The following SASH1 variants were observed in gnomAD, a reference collection of about 807,000 sequenced individuals.
SASH1 encodes the protein SAM and SH3 domain-containing protein 1.
SASH1 carries 44 observed loss-of-function variants against 125.2 expected under a neutral mutation model. The observed-to-expected ratio is 0.35, with a 90% confidence interval of 0.28 to 0.45. The LOEUF is 0.45. Ranked by LOEUF, SASH1 falls within the 20% of genes least tolerant of loss-of-function variation. SASH1 has a pLI of 1.00. For missense variants in SASH1, 1,426 were observed against 1,614.5 expected (o/e 0.88, Z 2.00); for synonymous variants, 639 against 649.1 (o/e 0.98, Z 0.24).
At chr6:148,410,099 C>CTTTTTTT (rs869081496) in intron 2 of SASH1, among the ~76,000 whole-genome samples, 2 of 55,742 alleles carry the variant, frequency 3.6e-5, no homozygotes, top group African/African-American at 7.3e-5. Flanking sequence ...CAGAGCAGTC[C>CTTTTTTT]TTTTTTTTTT....
In SASH1 at chr6:148,549,259, G is replaced by A. The variant is rs1277750510; in HGVS notation, c.*701G>A. The stretch of plus-strand genomic sequence containing the variant: ...ATCGAACCTCTCTGGGATGTTTCCA[G>A]CAAAAGTGAGCTTTTCTAATCGTCT... On this transcript the variant is annotated 3_prime_UTR_variant, in exon 20 of 20. Transcript: ENST00000367467. The A allele has an allele frequency of 4.9e-6, 1 of 205,224 alleles. No homozygotes were observed. The highest frequency in any genetic ancestry group is 9.7e-6 in the Non-Finnish European group (1 of 103,596). 12.7% of individuals were successfully genotyped at this position (205,224 alleles called of 1,614,324 possible).
chr6:148,456,378 G>A (rs1035299578), intron 4 of SASH1, among the ~76,000 whole-genome samples: 1 of 152,156 alleles, frequency 6.6e-6, no homozygotes, highest in African/African-American at 2.4e-5. Flanking sequence ...TCTTAACCTG[G>A]GCCTGCCTCA....
chr6:148,340,486 G>A (rs1781288216), upstream of SASH1, among the ~76,000 whole-genome samples: 1 of 116,338 alleles, frequency 8.6e-6, no homozygotes, highest in South Asian at 2.6e-4. Context: ...GCAAGACTCT[G>A]TCTCAAAAAA....
rs1426741168 is a variant in SASH1 at position 148,550,539 on chromosome 6, T to C, written c.*1981T>C. On this transcript the variant is annotated 3_prime_UTR_variant, in exon 20 of 20. Coordinates refer to ENST00000367467, the MANE Select transcript of SASH1 (RefSeq NM_015278.5). ...GTTTCTTTAATAATTAATTTTCATC[T>C]TCTATAAGATGCCATGTGAAGAAGT... 6.6e-6 allele frequency: 1 copy of C among 152,228 alleles called. No individual in the cohort carries two copies. Among genetic ancestry groups the C allele is most frequent in the African/African-American group, 2.4e-5 (1 of 41,468 alleles). The allele number at this position is 152,228 out of a possible 1,614,324, so 9.4% of individuals were successfully genotyped here.
upstream of SASH1, among the ~76,000 whole-genome samples, chr6:148,271,533 T>C (rs1371153897): frequency 1.3e-5 from 2 of 152,076 alleles, no homozygotes; most frequent in East Asian, 1.9e-4. Context: ...ATAAAACTTT[T>C]GTTTTATTTT....
chr6:148,518,452 A>G (rs1383180263), intron 9 of SASH1, among the ~76,000 whole-genome samples: 1 of 152,186 alleles, frequency 6.6e-6, no homozygotes, highest in African/African-American at 2.4e-5. Context: ...TTAGAATTTT[A>G]AAGGATGGCT....
At chr6:148,348,618 T>C (rs1352867859) in intron 1 of SASH1, among the ~76,000 whole-genome samples, 4 of 152,172 alleles carry the variant, frequency 2.6e-5, no homozygotes, top group Non-Finnish European at 4.4e-5. Context: ...CTTGCCCTCA[T>C]TTTACAGTTC....
intron 1 of SASH1, among the ~76,000 whole-genome samples, chr6:148,288,679 A>G (rs1314076209): frequency 1.1e-5 from 1 of 92,576 alleles, no homozygotes; most frequent in East Asian, 3.5e-4. Context: ...CACGGAATAC[A>G]CACGTGTATG....
rs569069226 is a variant in SASH1 at position 148,306,236 on chromosome 6, C to A, written n.74+33859C>A. ...CTTTCTCTTTCCACTCGCTTGTTCT[C>A]TCTGCCATTGACCCAACCCAAAAGA... is the stretch of plus-strand genomic sequence containing the variant. On this transcript the variant is annotated intron_variant and non_coding_transcript_variant, in intron 1 of 3. Transcript: ENST00000367469. 3.3e-5 allele frequency among the ~76,000 whole-genome samples: 5 copies of A among 152,272 alleles called. No individual in the cohort carries two copies. In the South Asian group the frequency reaches 1.0e-3, roughly 32 times the overall value.
rs117270941 is a variant in SASH1 at position 148,479,011 on chromosome 6, A to T, written c.627+4789A>T. On this transcript the variant is annotated intron_variant, in intron 7 of 19. Coordinates refer to ENST00000367467, the MANE Select transcript of SASH1 (RefSeq NM_015278.5). ...ATGTAGTTTTTCTGTGGTGAGCAAG[A>T]CATTTACTCCTGGAGAGAGATGAGA... 727 of 151,548 alleles carry T rather than the reference A, an allele frequency of 4.8e-3. 1 individual carries two copies. The highest frequency in any genetic ancestry group is 0.017 in the Middle Eastern group (5 of 286). The allele number at this position is 151,548 out of a possible 1,614,324, so 9.4% of individuals were successfully genotyped here.
At chr6:148,262,816 G>T in the SASH1 span, among the ~76,000 whole-genome samples, 3 of 152,206 alleles carry the variant, frequency 2.0e-5, no homozygotes, top group Non-Finnish European at 4.4e-5. Context: ...CCGGGAGGGG[G>T]AGGTTGCAGT....
At chr6:148,381,159 A>G (rs1268982754) in intron 1 of SASH1, among the ~76,000 whole-genome samples, 1 of 152,174 alleles carries the variant, frequency 6.6e-6, no homozygotes. Flanking sequence ...CTTCTTCGTC[A>G]TCTCTTTTAT....
intron 1 of SASH1, among the ~76,000 whole-genome samples, chr6:148,367,440 A>G (rs897119228): frequency 3.9e-5 from 6 of 152,210 alleles, no homozygotes; most frequent in Admixed American, 1.3e-4. Flanking sequence ...AGAATTGTTT[A>G]GCCAGAGGCC....
intron 1 of SASH1, among the ~76,000 whole-genome samples, chr6:148,375,152 A>G (rs1782842961): frequency 6.7e-6 from 1 of 150,236 alleles, no homozygotes. Context: ...CGCCACACAC[A>G]TCTAATTTTT....
At chr6:148,505,639 TTTTTTTC>T (rs1166320795) in intron 8 of SASH1, among the ~76,000 whole-genome samples, 1 of 150,556 alleles carries the variant, frequency 6.6e-6, no homozygotes, top group East Asian at 2.0e-4. Flanking sequence ...TTGTTGTTTT[TTTTTTTC>T]TTTTTTCTTT....
At chr6:148,365,265 G>A (rs373049766) in intron 1 of SASH1, among the ~76,000 whole-genome samples, 15 of 152,120 alleles carry the variant, frequency 9.9e-5, no homozygotes, top group South Asian at 2.1e-4. Context: ...TTTTTAAATC[G>A]TATGGTCTGT....
chr6:148,352,642 T>G (rs2495954), intron 1 of SASH1, among the ~76,000 whole-genome samples: 133,671 of 150,968 alleles, frequency 0.89, 59,254 homozygotes, highest in Middle Eastern at 0.92. Flanking sequence ...AATAAATAAA[T>G]AGAACTGTGC....
chr6:148,419,576 C>T (rs935939543), intron 2 of SASH1, among the ~76,000 whole-genome samples: 1 of 152,130 alleles, frequency 6.6e-6, no homozygotes, highest in African/African-American at 2.4e-5. Flanking sequence ...GGATGCCGTC[C>T]GCCCTCCTGT....
intron 1 of SASH1, among the ~76,000 whole-genome samples, chr6:148,383,309 T>C (rs1410079293): frequency 3.3e-5 from 5 of 152,334 alleles, no homozygotes; most frequent in African/African-American, 1.2e-4. Flanking sequence ...TAGTGATTTC[T>C]TTTTTTAATG....
Sources: gnomAD v4.1 joint callset for allele counts (sites outside exome capture counted in the v4.1 genomes callset) on GRCh38, gnomAD v4.1.1 for gene constraint, MANE v1.5 for transcripts, NCBI Gene and HGNC (gene_info 2026-07-23, HGNC 2026-07-21) for gene names.